The following CSMD1 variants were observed in gnomAD, a reference collection of about 807,000 sequenced individuals.
CSMD1 encodes CUB and Sushi multiple domains 1, also known as CUB and sushi domain-containing protein 1.
In CSMD1, 213 loss-of-function variants were observed where a neutral mutation model predicts 417.5. The observed-to-expected ratio is 0.51, with a 90% CI of 0.46 to 0.57. The LOEUF (loss-of-function observed/expected upper bound fraction) is 0.57, where lower values mean the gene tolerates loss of function less well. Among genes scored for constraint, CSMD1 ranks in the 20% least tolerant of loss-of-function variants. CSMD1 has a pLI of 0.00. For synonymous variants in CSMD1, 2,862 were observed against 1,736.8 expected (o/e 1.65, Z -16.11); for missense variants, 6,923 against 4,529.7 (o/e 1.53, Z -15.17).
At chr8:4,204,436 C>T (rs1040617034) in intron 3 of CSMD1, among the ~76,000 whole-genome samples, 6 of 152,158 alleles carry the variant, frequency 3.9e-5, no homozygotes, top group African/African-American at 1.4e-4. Flanking sequence ...AATTCCAAAA[C>T]CACTTTTCCT....
At chr8:3,451,045 T>C (rs967846027) in intron 12 of CSMD1, among the ~76,000 whole-genome samples, 2 of 152,234 alleles carry the variant, frequency 1.3e-5, no homozygotes, top group Non-Finnish European at 2.9e-5. Context: ...TGGTTTTGAT[T>C]TGCATTTCTC....
intron 5 of CSMD1, among the ~76,000 whole-genome samples, chr8:3,810,270 G>C (rs1171431198): frequency 6.6e-6 from 1 of 152,106 alleles, no homozygotes; most frequent in Non-Finnish European, 1.5e-5. Context: ...GTACTTCCAT[G>C]TATTCCTGAT....
intron 10 of CSMD1, among the ~76,000 whole-genome samples, chr8:3,560,191 G>A (rs1799409717): frequency 6.6e-6 from 1 of 152,014 alleles, no homozygotes; most frequent in African/African-American, 2.4e-5. Flanking sequence ...TTGAAATAAT[G>A]GAATGCAAAG....
intron 26 of CSMD1, among the ~76,000 whole-genome samples, chr8:3,239,485 T>C (rs961754796): frequency 6.6e-6 from 1 of 152,208 alleles, no homozygotes; most frequent in Non-Finnish European, 1.5e-5. Flanking sequence ...GGTATTTTAG[T>C]TTGCTGACTC....
intron 2 of CSMD1, among the ~76,000 whole-genome samples, chr8:4,482,933 G>A (rs995612853): frequency 6.6e-6 from 1 of 152,084 alleles, no homozygotes; most frequent in Admixed American, 6.6e-5. Context: ...TAGTAAGTAT[G>A]GGAGGCGTAG....
At chr8:4,412,574 G>A (rs1453414499) in intron 3 of CSMD1, among the ~76,000 whole-genome samples, 2 of 151,910 alleles carry the variant, frequency 1.3e-5, no homozygotes, top group African/African-American at 2.4e-5. Context: ...TACAAGAATG[G>A]ACTAATACAG....
At chr8:3,001,943 G>A (rs1807439276) in intron 52 of CSMD1, among the ~76,000 whole-genome samples, 1 of 152,156 alleles carries the variant, frequency 6.6e-6, no homozygotes, top group African/African-American at 2.4e-5. Flanking sequence ...ACAAAGTTTA[G>A]AAACATTGTG....
chr8:3,141,039 A>T (rs1818407174), intron 41 of CSMD1, among the ~76,000 whole-genome samples: 1 of 152,198 alleles, frequency 6.6e-6, no homozygotes, highest in South Asian at 2.1e-4. Flanking sequence ...TGCCATATGG[A>T]TCAACTCCGT....
At chr8:4,037,988 G>A (rs1797704134) in intron 3 of CSMD1, among the ~76,000 whole-genome samples, 1 of 152,084 alleles carries the variant, frequency 6.6e-6, no homozygotes, top group Non-Finnish European at 1.5e-5. Flanking sequence ...AAAAAATAAT[G>A]TATAATTTTA....
At chr8:3,510,139 C>A (rs1321570050) in intron 10 of CSMD1, among the ~76,000 whole-genome samples, 1 of 149,350 alleles carries the variant, frequency 6.7e-6, no homozygotes, top group Non-Finnish European at 1.5e-5. Flanking sequence ...ACAGAGAATA[C>A]ATATCTGTGT....
At chr8:3,996,912 A>G (rs117972708) in intron 5 of CSMD1, among the ~76,000 whole-genome samples, 2,682 of 152,276 alleles carry the variant, frequency 0.018, 55 homozygotes, top group East Asian at 0.095. Context: ...CATATTTACA[A>G]TATGCTTCAT....
At chr8:3,319,607 G>C (rs1176027839) in intron 23 of CSMD1, among the ~76,000 whole-genome samples, 1 of 151,868 alleles carries the variant, frequency 6.6e-6, no homozygotes, top group African/African-American at 2.4e-5. Flanking sequence ...CTTTTAAAAA[G>C]AAACATGAGA....
At chr8:3,672,573 G>C (rs887279138) in intron 7 of CSMD1, among the ~76,000 whole-genome samples, 1 of 152,182 alleles carries the variant, frequency 6.6e-6, no homozygotes, top group Admixed American at 6.5e-5. Context: ...AAAGCTCATG[G>C]ATTCCCAATA....
chr8:4,156,751 G>A (rs1422663784), intron 3 of CSMD1, among the ~76,000 whole-genome samples: 1 of 152,124 alleles, frequency 6.6e-6, no homozygotes, highest in Non-Finnish European at 1.5e-5. Flanking sequence ...TTCAACCTTT[G>A]AACAGGAAAT....
chr8:3,622,009 G>C (rs1046337715), intron 7 of CSMD1, among the ~76,000 whole-genome samples: 18 of 151,544 alleles, frequency 1.2e-4, no homozygotes, highest in African/African-American at 4.1e-4. Context: ...GTGTGTGTGT[G>C]TGTGTGTGTT....
chr8:3,477,534 C>T (rs542050003), intron 11 of CSMD1, among the ~76,000 whole-genome samples: 1 of 152,140 alleles, frequency 6.6e-6, no homozygotes, highest in African/African-American at 2.4e-5. Flanking sequence ...TTTTCAGGCA[C>T]CTGGGTACCT....
In CSMD1 at chr8:3,428,093, T is replaced by A. The variant is rs139021717; in HGVS notation, c.1562-18488A>T. ...GAAGGTAATTACAAAATAGCTATTA[T>A]TCTTACAGCACCTGAAATTTGAAAT... On this transcript the variant is annotated intron_variant, in intron 12 of 69. Coordinates refer to ENST00000635120, the MANE Select transcript of CSMD1 (RefSeq NM_033225.6). Among the ~76,000 whole-genome samples the A allele has an allele frequency of 8.2e-3, 1,251 of 152,322 alleles. 16 individuals carry two copies. The highest frequency in any genetic ancestry group is 0.028 in the African/African-American group (1,182 of 41,586).
chr8:4,755,890 G>A (rs1811636068), intron 1 of CSMD1, among the ~76,000 whole-genome samples: 1 of 152,136 alleles, frequency 6.6e-6, no homozygotes, highest in Non-Finnish European at 1.5e-5. Context: ...ATAATGGGCT[G>A]CTCGGCCTTC....
At chr8:3,772,396 C>CATATATTCATATATTTATATAT (rs1246977888) in intron 5 of CSMD1, among the ~76,000 whole-genome samples, 1 of 68,410 alleles carries the variant, frequency 1.5e-5, no homozygotes, top group African/African-American at 8.4e-5. Context: ...TTTATATATA[C>CATATATTCATATATTTATATAT]ACATATATAC....
Sources: gnomAD v4.1 joint callset for allele counts (sites outside exome capture counted in the v4.1 genomes callset) on GRCh38, gnomAD v4.1.1 for gene constraint, MANE v1.5 for transcripts, NCBI Gene and HGNC (gene_info 2026-07-23, HGNC 2026-07-21) for gene names.